ULK4: variants seen among roughly 807,000 people sequenced by gnomAD.
ULK4 encodes the protein unc-51 like kinase 4, also known as inactive serine/threonine-protein kinase ULK4.
In ULK4, 133 loss-of-function variants were observed where a neutral mutation model predicts 160.6. The observed-to-expected ratio is 0.83, with a 90% confidence interval of 0.72 to 0.96. ULK4 has a LOEUF of 0.96. ULK4 is among the 40% of genes least tolerant of loss of function. The pLI is 0.00. For synonymous variants in ULK4, 534 were observed against 539.8 expected (o/e 0.99, Z 0.15); for missense variants, 1,580 against 1,499.5 (o/e 1.05, Z -0.89).
chr3:41,572,004 T>C (rs1191629283), intron 31 of ULK4, among the ~76,000 whole-genome samples: 2 of 152,186 alleles, frequency 1.3e-5, no homozygotes, highest in Admixed American at 6.5e-5. Flanking sequence ...GAACTTACTA[T>C]GTGCCATGTC....
chr3:41,847,164 T>A (rs984002015), intron 17 of ULK4, among the ~76,000 whole-genome samples: 1 of 152,190 alleles, frequency 6.6e-6, no homozygotes, highest in Non-Finnish European at 1.5e-5. Flanking sequence ...AGTCATCTGA[T>A]AGATATGAAA....
At chr3:41,356,100 T>C (rs1221344227) in intron 35 of ULK4, among the ~76,000 whole-genome samples, 1 of 152,210 alleles carries the variant, frequency 6.6e-6, no homozygotes, top group Non-Finnish European at 1.5e-5. Flanking sequence ...TCATAGCCCT[T>C]GTAATTAAAT....
intron 35 of ULK4, among the ~76,000 whole-genome samples, chr3:41,328,371 C>T (rs917171577): frequency 6.6e-6 from 1 of 152,124 alleles, no homozygotes; most frequent in Non-Finnish European, 1.5e-5. Context: ...ATCATGTTCA[C>T]TTCTGACCAA....
intron 31 of ULK4, among the ~76,000 whole-genome samples, chr3:41,602,852 T>A (rs1016735453): frequency 6.6e-6 from 1 of 151,268 alleles, no homozygotes; most frequent in African/African-American, 2.4e-5. Flanking sequence ...CAAAGAGAAA[T>A]CCTCAAAAAC....
rs143043505 is a variant in ULK4, at chr3:41,374,971, G to C, written c.3678+23108C>G. ...ATACAAAATCAATGTGCAAAAATCA[G>C]AAGCATTCTTATACACCAGTAACAG... On this transcript the variant is annotated intron_variant, in intron 35 of 36. Transcript: ENST00000301831. Among the ~76,000 whole-genome samples, 516 of 151,800 alleles carry C rather than the reference G, an allele frequency of 3.4e-3. 10 individuals carry two copies. Among genetic ancestry groups the C allele is most frequent in the African/African-American group, 0.012 (494 of 41,368 alleles).
At chr3:41,373,505 T>A (rs2081415862) in intron 35 of ULK4, among the ~76,000 whole-genome samples, 1 of 152,174 alleles carries the variant, frequency 6.6e-6, no homozygotes, top group Non-Finnish European at 1.5e-5. Context: ...CACAACTACG[T>A]GGAAGCTGAA....
intron 34 of ULK4, among the ~76,000 whole-genome samples, chr3:41,405,850 A>G (rs2082283741): frequency 6.6e-6 from 1 of 151,242 alleles, no homozygotes; most frequent in South Asian, 2.1e-4. Flanking sequence ...TGCTTTTTCA[A>G]TTGTTTAAGT....
chr3:41,658,340 C>A (rs2035017579), intron 30 of ULK4, among the ~76,000 whole-genome samples: 1 of 152,092 alleles, frequency 6.6e-6, no homozygotes, highest in South Asian at 2.1e-4. Context: ...ATTTAATTGG[C>A]CTAGGGTATG....
At chr3:41,684,473 C>G (rs940558303) in intron 27 of ULK4, among the ~76,000 whole-genome samples, 1 of 152,136 alleles carries the variant, frequency 6.6e-6, no homozygotes, top group African/African-American at 2.4e-5. Context: ...GGTGGGGTAC[C>G]CTCTCTTGCT....
intron 35 of ULK4, among the ~76,000 whole-genome samples, chr3:41,341,048 T>C (rs915625729): frequency 2.0e-5 from 3 of 152,126 alleles, no homozygotes; most frequent in Non-Finnish European, 2.9e-5. Flanking sequence ...CTTCCTCAAA[T>C]ATCCAAATGG....
chr3:41,582,196 C>T (rs755671442), intron 31 of ULK4, among the ~76,000 whole-genome samples: 3 of 152,072 alleles, frequency 2.0e-5, no homozygotes, highest in Non-Finnish European at 4.4e-5. Context: ...AAACCGCTTT[C>T]GTTTGGTCCT....
chr3:41,702,470 T>C (rs1005669620), intron 27 of ULK4, among the ~76,000 whole-genome samples: 1 of 152,124 alleles, frequency 6.6e-6, no homozygotes, highest in Admixed American at 6.5e-5. Flanking sequence ...TAAAACACTA[T>C]ATGATGTTTC....
chr3:41,247,091 G>T, intron 36 of ULK4, 99 bp from the exon 37 acceptor site: 2 of 1,150,054 alleles, frequency 1.7e-6, no homozygotes, highest in Non-Finnish European at 2.5e-6. Context: ...CCGAGTATCT[G>T]GTGGACCAGC....
rs1029646136 is a variant in ULK4 at position 41,789,782 on chromosome 3, C to T, written c.2072G>A (p.Gly691Glu). Residue 691 changes from glycine (G) to glutamate (E), a missense_variant, in exon 21 of 37, where the codon GGA becomes GAA. Transcript: ENST00000301831. ...TAFQNVIEKV[G>E]LNSVINSLAS... Reference sequence around the variant, plus strand: ...CAGGGAGTTTATTACTGAGTTCAGTCCCACCTTTTCAATAACATTCTGGAA... The same window carrying T: ...CAGGGAGTTTATTACTGAGTTCAGTTCCACCTTTTCAATAACATTCTGGAA... 5.0e-6 allele frequency: 8 copies of T among 1,613,560 alleles called. No individual in the cohort carries two copies. Among genetic ancestry groups the T allele is most frequent in the South Asian group, 1.1e-5 (1 of 91,012 alleles).
chr3:41,583,070 C>T (rs1209655139), intron 31 of ULK4, among the ~76,000 whole-genome samples: 1 of 152,162 alleles, frequency 6.6e-6, no homozygotes, highest in African/African-American at 2.4e-5. Flanking sequence ...TGATATCAAA[C>T]AGCAGAAATG....
At chr3:41,286,439 C>T (rs1249509950) in intron 35 of ULK4, among the ~76,000 whole-genome samples, 1 of 152,070 alleles carries the variant, frequency 6.6e-6, no homozygotes, top group South Asian at 2.1e-4. Flanking sequence ...GACAAGCCCA[C>T]CATATGCTAT....
chr3:41,756,734 A>T (rs977658780), intron 21 of ULK4, among the ~76,000 whole-genome samples: 1 of 146,400 alleles, frequency 6.8e-6, no homozygotes, highest in African/African-American at 2.5e-5. Context: ...GAAAACGAAG[A>T]AAGTTCCACT....
intron 32 of ULK4, among the ~76,000 whole-genome samples, chr3:41,548,038 G>C (rs2086924840): frequency 6.6e-6 from 1 of 152,086 alleles, no homozygotes; most frequent in Non-Finnish European, 1.5e-5. Context: ...GTGTTCAGTG[G>C]GCCTAGGGAC....
intron 35 of ULK4, among the ~76,000 whole-genome samples, chr3:41,331,713 C>A (rs538722194): frequency 6.6e-6 from 1 of 152,308 alleles, no homozygotes; most frequent in South Asian, 2.1e-4. Flanking sequence ...TTCACAGAAT[C>A]TCTAAAGTTG....
Sources: gnomAD v4.1 joint callset for allele counts (sites outside exome capture counted in the v4.1 genomes callset) on GRCh38, gnomAD v4.1.1 for gene constraint, MANE v1.5 for transcripts, NCBI Gene and HGNC (gene_info 2026-07-23, HGNC 2026-07-21) for gene names.